Variants in CTNND2 observed in about 807,000 individuals in gnomAD.
CTNND2 encodes catenin delta-2.
CTNND2 carries 22 observed loss-of-function variants against 144.4 expected under a neutral mutation model. The observed-to-expected ratio is 0.15, with a 90% CI of 0.11 to 0.22. The LOEUF (loss-of-function observed/expected upper bound fraction) is 0.22. Ranked by LOEUF, CTNND2 falls within the 10% of genes least tolerant of loss-of-function variation. The pLI, the probability that CTNND2 is intolerant of heterozygous loss-of-function variation, is 1.00. For missense variants in CTNND2, 1,353 were observed against 1,618.8 expected (o/e 0.84, Z 2.82); for synonymous variants, 751 against 695.6 (o/e 1.08, Z -1.25).
At chr5:11,174,815 T>C (rs1363273576) in intron 11 of CTNND2, among the ~76,000 whole-genome samples, 2 of 152,214 alleles carry the variant, frequency 1.3e-5, no homozygotes. Context: ...GCCTCTATTA[T>C]GATTGGAATG....
chr5:11,488,193 T>A (rs533907870), intron 3 of CTNND2, among the ~76,000 whole-genome samples: 1 of 152,366 alleles, frequency 6.6e-6, no homozygotes, highest in South Asian at 2.1e-4. Context: ...TTATATACTT[T>A]CAAAAACTGC....
intron 11 of CTNND2, among the ~76,000 whole-genome samples, chr5:11,166,702 A>T (rs1479859431): frequency 6.6e-6 from 1 of 152,132 alleles, no homozygotes. Context: ...TGATTAAAAT[A>T]TAGAGGCCCA....
intron 16 of CTNND2, among the ~76,000 whole-genome samples, chr5:11,078,011 C>T (rs1245304195): frequency 6.6e-6 from 1 of 152,098 alleles, no homozygotes; most frequent in Non-Finnish European, 1.5e-5. Flanking sequence ...TTGAGACACT[C>T]ATAAGACATC....
intron 2 of CTNND2, among the ~76,000 whole-genome samples, chr5:11,571,464 A>C (rs1255586102): frequency 6.6e-6 from 1 of 152,182 alleles, no homozygotes; most frequent in East Asian, 1.9e-4. Context: ...CTCAAAATTT[A>C]GCAAGTAAAA....
intron 3 of CTNND2, among the ~76,000 whole-genome samples, chr5:11,509,139 T>C (rs1434865257): frequency 6.6e-6 from 1 of 152,186 alleles, no homozygotes; most frequent in Non-Finnish European, 1.5e-5. Context: ...AAGAGTACTA[T>C]GAAGATCAAA....
intron 1 of CTNND2, among the ~76,000 whole-genome samples, chr5:11,758,166 C>G (rs1789054663): frequency 6.6e-6 from 1 of 151,804 alleles, no homozygotes. Context: ...CTTCTGAAAT[C>G]CTGAAGATGC....
chr5:11,127,077 C>T (rs1418615644), intron 12 of CTNND2, among the ~76,000 whole-genome samples: 1 of 152,220 alleles, frequency 6.6e-6, no homozygotes, highest in Non-Finnish European at 1.5e-5. Context: ...AAGGACAGGA[C>T]CTGGCAGGGA....
In CTNND2 at chr5:11,370,318, T is replaced by TACA. The variant is rs1757352310; in HGVS notation, c.1178-5429_1178-5428insTGT. On this transcript the variant is annotated intron_variant, in intron 7 of 21. Transcript: ENST00000304623. ...CAACCCCCAAGAGATTCTGATTAGG[T>TACA]CAGCCAAGTGGGATGCATCAATGCA... Among the ~76,000 whole-genome samples, 6 of 152,230 alleles carry TACA rather than the reference T, an allele frequency of 3.9e-5. 1 individual carries two copies. The South Asian group carries it at 1.2e-3, about 32-fold the overall frequency.
intron 3 of CTNND2, among the ~76,000 whole-genome samples, chr5:11,531,214 A>G (rs1773717153): frequency 6.6e-6 from 1 of 152,218 alleles, no homozygotes; most frequent in South Asian, 2.1e-4. Context: ...CCATGAAAAT[A>G]TGTCAAATAC....
At chr5:11,328,203 A>G (rs1292246952) in intron 9 of CTNND2, among the ~76,000 whole-genome samples, 1 of 152,204 alleles carries the variant, frequency 6.6e-6, no homozygotes, top group Non-Finnish European at 1.5e-5. Flanking sequence ...CTCATTTTCT[A>G]CATCTTACAC....
At chr5:11,166,312 G>C (rs1004962688) in intron 11 of CTNND2, among the ~76,000 whole-genome samples, 1 of 143,144 alleles carries the variant, frequency 7.0e-6, no homozygotes, top group Non-Finnish European at 1.5e-5. Flanking sequence ...GCAGTGGTGT[G>C]ATCTCGGCTC....
At chr5:11,401,848 C>A (rs886715142) in intron 5 of CTNND2, among the ~76,000 whole-genome samples, 5 of 152,152 alleles carry the variant, frequency 3.3e-5, no homozygotes, top group Non-Finnish European at 7.3e-5. Flanking sequence ...AAATTGTAAT[C>A]TTTCCAAATT....
intron 1 of CTNND2, among the ~76,000 whole-genome samples, chr5:11,737,295 T>C (rs1787741296): frequency 6.6e-6 from 1 of 152,218 alleles, no homozygotes; most frequent in African/African-American, 2.4e-5. Context: ...GACTTTGTTT[T>C]TGTTTGACTG....
intron 3 of CTNND2, among the ~76,000 whole-genome samples, chr5:11,466,158 T>C (rs1375230643): frequency 1.3e-5 from 2 of 152,114 alleles, no homozygotes; most frequent in Non-Finnish European, 2.9e-5. Context: ...CATACCACCA[T>C]GCCTGGCTAA....
chr5:10,972,433 G>A lies in CTNND2; in HGVS notation c.*1020C>T, dbSNP rs1271536605. ...CTCACACAGGTAATTTTTCTAGTACGTGGACATACATACACCCACACACAC... is the reference window on the plus strand; with the variant it reads ...CTCACACAGGTAATTTTTCTAGTACATGGACATACATACACCCACACACAC... On this transcript the variant is annotated 3_prime_UTR_variant, in exon 22 of 22. Coordinates refer to ENST00000304623, the MANE Select transcript of CTNND2 (RefSeq NM_001332.4). 2 of 152,216 alleles carry A rather than the reference G, an allele frequency of 1.3e-5. No individual in the cohort carries two copies. The highest frequency in any genetic ancestry group is 2.9e-5 in the Non-Finnish European group (2 of 68,030). 9.4% of individuals were successfully genotyped at this position (152,216 alleles called of 1,614,324 possible). A position where few individuals can be genotyped will look rare whatever the true frequency, so the allele number is the denominator to read the frequency against.
At chr5:11,544,163 CA>C (rs1291255980) in intron 3 of CTNND2, among the ~76,000 whole-genome samples, 1 of 151,394 alleles carries the variant, frequency 6.6e-6, no homozygotes, top group Non-Finnish European at 1.5e-5. Context: ...TCCATTATTC[CA>C]AGGCAGATTT....
chr5:11,168,103 A>G (rs939984629), intron 11 of CTNND2, among the ~76,000 whole-genome samples: 2 of 152,184 alleles, frequency 1.3e-5, no homozygotes, highest in African/African-American at 2.4e-5. Context: ...TACAGACAAA[A>G]GACTATAATT....
At chr5:11,421,968 GA>G (rs1762398907) in intron 3 of CTNND2, among the ~76,000 whole-genome samples, 1 of 152,222 alleles carries the variant, frequency 6.6e-6, no homozygotes, top group African/African-American at 2.4e-5. Context: ...TATAAAACAC[GA>G]AAAATCCATA....
At chr5:11,059,121 G>C (rs1485946670) in intron 16 of CTNND2, among the ~76,000 whole-genome samples, 1 of 152,164 alleles carries the variant, frequency 6.6e-6, no homozygotes, top group Non-Finnish European at 1.5e-5. Context: ...TTAAGACTTT[G>C]GGGGACTCTT....
Sources: allele counts gnomAD v4.1 joint callset (sites outside exome capture counted in the v4.1 genomes callset), GRCh38; gene constraint gnomAD v4.1.1; transcripts MANE v1.5; gene names NCBI Gene and HGNC (gene_info 2026-07-23, HGNC 2026-07-21).